The following CFAP161 variants were observed in gnomAD, a reference collection of about 807,000 sequenced individuals.
CFAP161 encodes the protein cilia and flagella associated protein 161.
In CFAP161, 25 loss-of-function variants were observed where a neutral mutation model predicts 29.0. The observed-to-expected ratio is 0.86, with a 90% CI of 0.63 to 1.20. The LOEUF (loss-of-function observed/expected upper bound fraction) is 1.20. Ranked by LOEUF, CFAP161 falls within the 50% of genes most tolerant of loss-of-function variation. The probability of loss-of-function intolerance (pLI) is 0.00; values close to 1 mark genes in which losing one functional copy is unlikely to be tolerated. For missense variants in CFAP161, 367 were observed against 371.9 expected (o/e 0.99, Z 0.11); for synonymous variants, 116 against 137.4 (o/e 0.84, Z 1.09).
At chr15:81,125,568 A>T (rs534192364) in intron 1 of CFAP161, among the ~76,000 whole-genome samples, 1 of 152,224 alleles carries the variant, frequency 6.6e-6, no homozygotes, top group Non-Finnish European at 1.5e-5. Context: ...TTTTTATGTT[A>T]TCAGTAATTT....
intron 1 of CFAP161, among the ~76,000 whole-genome samples, chr15:81,125,112 GAA>G (rs58323425): frequency 0.58 from 86,129 of 149,410 alleles, 25,824 homozygotes; most frequent in Non-Finnish European, 0.68. Context: ...AAGTAAAAAA[GAA>G]AAAAAAACAA....
At position 81,136,597 on chromosome 15, in the gene CFAP161, G is replaced by C; in HGVS notation, c.241G>C (p.Glu81Gln). ...MLVNPDDPDT[E>Q]ADVFLRGDLS... ...TGTGAATCCTGATGATCCTGACACA[G>C]AAGCTGATGTGTTTCTGCGTGGGGA... is the stretch of plus-strand genomic sequence containing the variant. The change falls in exon 3 of 7, where the codon GAA (glutamate) becomes CAA (glutamine). Residue 81 changes from glutamate to glutamine, a missense_variant. Glu to Gln is a conservative substitution (Grantham distance 29, BLOSUM62 2). Transcript: ENST00000286732. The C allele has an allele frequency of 2.5e-6, 4 of 1,614,208 alleles. No homozygotes were observed. The highest frequency in any genetic ancestry group is 3.4e-6 in the Non-Finnish European group (4 of 1,180,040).
upstream of CFAP161, among the ~76,000 whole-genome samples, chr15:81,133,219 ATATATGTATTTT>A (rs1248214357): frequency 0.021 from 601 of 29,264 alleles, 26 homozygotes; most frequent in Admixed American, 0.033. Flanking sequence ...ATATATATAT[ATATATGTATTTT>A]TTTTTAAATT....
At position 81,148,454 on chromosome 15, in the gene CFAP161, C is replaced by G. The variant is rs1895047555; in HGVS notation, c.827C>G (p.Ser276Cys). 6.2e-7 allele frequency: 1 copy of G among 1,614,228 alleles called. No homozygotes were observed. The highest frequency in any genetic ancestry group is 8.5e-7 in the Non-Finnish European group (1 of 1,180,046). The change falls in exon 7 of 7, where the codon TCC becomes TGC. Residue 276 changes from serine to cysteine, a missense_variant. Physicochemically the swap from Ser to Cys is moderately radical, Grantham distance 112. Transcript: ENST00000286732. ...ACTGGGAATCCCAGGGATGCCTCGT[C>G]CTCCATGTTGGATCTGCCCAAACCA... ...LVTGNPRDAS[S>C]SMLDLPKPPT...
chr15:81,103,615 G>A (rs1167987668), intron 1 of CFAP161, among the ~76,000 whole-genome samples: 3 of 152,174 alleles, frequency 2.0e-5, no homozygotes, highest in Admixed American at 1.3e-4. Flanking sequence ...CCCATAGCTC[G>A]CCATATGCAT....
chr15:81,103,621 T>G (rs1894328612), intron 1 of CFAP161, among the ~76,000 whole-genome samples: 1 of 152,218 alleles, frequency 6.6e-6, no homozygotes, highest in Admixed American at 6.5e-5. Flanking sequence ...GCTCGCCATA[T>G]GCATTTCTTC....
At chr15:81,113,826 A>G (rs1034652594) in intron 1 of CFAP161, among the ~76,000 whole-genome samples, 1 of 152,134 alleles carries the variant, frequency 6.6e-6, no homozygotes, top group Non-Finnish European at 1.5e-5. Flanking sequence ...GGGTCAGTGG[A>G]GCTAAAAGTC....
At chr15:81,105,182 T>TCCCTCCCTCCCTCCCTTCCG (rs1193326331) in intron 1 of CFAP161, among the ~76,000 whole-genome samples, 2 of 74,954 alleles carry the variant, frequency 2.7e-5, no homozygotes, top group Non-Finnish European at 5.8e-5. Context: ...CCTCCCTTCC[T>TCCCTCCCTCCCTCCCTTCCG]TTTTTCCTCC....
intron 1 of CFAP161, among the ~76,000 whole-genome samples, chr15:81,112,078 T>G (rs546872470): frequency 6.6e-6 from 1 of 152,354 alleles, no homozygotes; most frequent in African/African-American, 2.4e-5. Context: ...CAGATTATTT[T>G]GGAAATACTT....
rs181434458 is a variant in CFAP161 at position 81,137,462 on chromosome 15, G to A, written c.393-589G>A. On this transcript the variant is annotated intron_variant, in intron 3 of 6. Transcript: ENST00000286732. ...ATACAAAAAATTAGCTGGGCGTGGT[G>A]GCAGGCTCCTGTAATTCCAGCTACT... is the stretch of plus-strand genomic sequence containing the variant. Among the ~76,000 whole-genome samples, 225 of 152,260 alleles carry A rather than the reference G, an allele frequency of 1.5e-3. 1 individual carries two copies. Among genetic ancestry groups the A allele is most frequent in the African/African-American group, 5.0e-3 (207 of 41,554 alleles).
chr15:81,138,198 T>A, intron 4 of CFAP161, 63 bp downstream of exon 4: 1 of 1,321,186 alleles, frequency 7.6e-7, no homozygotes, highest in South Asian at 1.2e-5. Flanking sequence ...AATGGGATCA[T>A]AACTATCTAC....
intron 4 of CFAP161, 66 bp downstream of exon 4, chr15:81,138,201 C>A: frequency 7.7e-7 from 1 of 1,292,780 alleles, no homozygotes; most frequent in Non-Finnish European, 1.1e-6. Context: ...GGGATCATAA[C>A]TATCTACTGA....
At chr15:81,141,647 G>A (rs1013349018) in intron 4 of CFAP161, among the ~76,000 whole-genome samples, 1 of 151,258 alleles carries the variant, frequency 6.6e-6, no homozygotes, top group African/African-American at 2.4e-5. Context: ...TTTACTTTAG[G>A]TGAACAAGGC....
At chr15:81,133,704 G>A (rs1894755467), upstream of CFAP161, among the ~76,000 whole-genome samples, 1 of 152,152 alleles carries the variant, frequency 6.6e-6, no homozygotes, top group African/African-American at 2.4e-5. Flanking sequence ...AAGGGAGGGA[G>A]GGAGGGAGGA....
chr15:81,143,761 T>A lies in CFAP161; in HGVS notation c.577T>A (p.Trp193Arg). Residue 193 changes from tryptophan (W) to arginine (R), a missense_variant, in exon 5 of 7, where the codon TGG (tryptophan) becomes AGG (arginine). By Grantham distance (101) the Trp-to-Arg change is moderately radical. Coordinates refer to ENST00000286732, the MANE Select transcript of CFAP161 (RefSeq NM_173528.4). ...LTDEVSHVNC[W>R]QAAFPDPQLR... Reference sequence around the variant, plus strand: ...AGATGAGGTCTCCCATGTGAACTGCTGGCAGGCTGCCTTCCCTGACCCCCA... The same window carrying A: ...AGATGAGGTCTCCCATGTGAACTGCAGGCAGGCTGCCTTCCCTGACCCCCA... The A allele has an allele frequency of 1.2e-6, 2 of 1,614,196 alleles. No homozygotes were observed. Among genetic ancestry groups the A allele is most frequent in the Non-Finnish European group, 1.7e-6 (2 of 1,180,030 alleles).
intron 1 of CFAP161, chr15:81,117,663 C>T (rs1894516092): frequency 3.6e-6 from 1 of 275,034 alleles, no homozygotes; most frequent in Non-Finnish European, 7.3e-6. Flanking sequence ...ATCTGTTTCT[C>T]TCTTCCTGTT....
intron 1 of CFAP161, among the ~76,000 whole-genome samples, chr15:81,102,918 A>G (rs1894319668): frequency 2.0e-5 from 3 of 152,206 alleles, no homozygotes; most frequent in Non-Finnish European, 4.4e-5. Flanking sequence ...AGGAAGTTTT[A>G]TAGACATAGA....
intron 5 of CFAP161, among the ~76,000 whole-genome samples, chr15:81,146,035 G>A (rs899330989): frequency 6.6e-6 from 1 of 152,206 alleles, no homozygotes; most frequent in African/African-American, 2.4e-5. Flanking sequence ...GCTGGGAGAG[G>A]CCAGTGTTTG....
intron 1 of CFAP161, among the ~76,000 whole-genome samples, chr15:81,113,955 G>T (rs1402182333): frequency 6.6e-6 from 1 of 152,172 alleles, no homozygotes; most frequent in African/African-American, 2.4e-5. Context: ...AGCTTATTAT[G>T]AATAACAAAA....
Sources: gnomAD v4.1 joint callset for allele counts (sites outside exome capture counted in the v4.1 genomes callset) on GRCh38, gnomAD v4.1.1 for gene constraint, MANE v1.5 for transcripts, NCBI Gene and HGNC (gene_info 2026-07-23, HGNC 2026-07-21) for gene names.